TMTC1: variants seen among roughly 807,000 people sequenced by gnomAD.
TMTC1 encodes protein O-mannosyl-transferase TMTC1.
A neutral mutation model predicts 104.8 loss-of-function variants in TMTC1; 73 were observed. The ratio of observed to expected loss-of-function variants is 0.70; its 90% CI spans 0.58 to 0.85. TMTC1 has a LOEUF of 0.85. TMTC1 is among the 40% of genes least tolerant of loss of function. The pLI is 0.00. For synonymous variants in TMTC1, 434 were observed against 428.7 expected (o/e 1.01, Z -0.15); for missense variants, 1,035 against 1,096.1 (o/e 0.94, Z 0.79).
chr12:29,731,719 A>G (rs1422973528), intron 5 of TMTC1, among the ~76,000 whole-genome samples: 1 of 152,234 alleles, frequency 6.6e-6, no homozygotes, highest in African/African-American at 2.4e-5. Context: ...ATGCTGCGAT[A>G]CAGCTATCCA....
intron 5 of TMTC1, among the ~76,000 whole-genome samples, chr12:29,713,044 T>C (rs1256961156): frequency 6.6e-6 from 1 of 151,982 alleles, no homozygotes; most frequent in Admixed American, 6.6e-5. Context: ...TTTCATAATG[T>C]GGGCGAGGCT....
At chr12:29,597,858 T>A (rs1320780128) in intron 7 of TMTC1, among the ~76,000 whole-genome samples, 1 of 152,196 alleles carries the variant, frequency 6.6e-6, no homozygotes, top group East Asian at 1.9e-4. Context: ...ATCTACCTCC[T>A]GCTGCTCTTA....
chr12:29,702,722 T>G (rs1419093970), intron 5 of TMTC1, among the ~76,000 whole-genome samples: 2 of 152,190 alleles, frequency 1.3e-5, no homozygotes, highest in African/African-American at 4.8e-5. Flanking sequence ...TGCCGGCCAC[T>G]CCGTTACTGT....
intron 17 of TMTC1, 54 bp from the exon 18 acceptor site, chr12:29,507,040 C>CA: frequency 6.6e-7 from 1 of 1,514,046 alleles, no homozygotes; most frequent in South Asian, 1.1e-5. Flanking sequence ...AAAACTCTCT[C>CA]AGAGAATGAA....
chr12:29,668,943 C>A (rs1455610393), intron 5 of TMTC1, among the ~76,000 whole-genome samples: 1 of 152,164 alleles, frequency 6.6e-6, no homozygotes, highest in Non-Finnish European at 1.5e-5. Flanking sequence ...GGTTGAAACA[C>A]AAGTGCCATC....
At chr12:29,776,273 CATTCTCTACACAGAGTT>C (rs1189674682) in intron 1 of TMTC1, among the ~76,000 whole-genome samples, 6 of 152,194 alleles carry the variant, frequency 3.9e-5, no homozygotes, top group Non-Finnish European at 5.9e-5. Flanking sequence ...TACAGATCTT[CATTCTCTACACAGAGTT>C]ACAGTTCCAG....
At chr12:29,664,312 A>G (rs1431451430) in intron 5 of TMTC1, among the ~76,000 whole-genome samples, 1 of 152,132 alleles carries the variant, frequency 6.6e-6, no homozygotes. Flanking sequence ...AAAAAAGATG[A>G]CCTCTTCAAG....
chr12:29,783,589 A>C lies in TMTC1; in HGVS notation c.163T>G (p.Trp55Gly). Residue 55 changes from tryptophan (W) to glycine (G), a missense_variant, in exon 1 of 18, where the codon TGG becomes GGG. Physicochemically the swap from Trp to Gly is radical, Grantham distance 184. Transcript: ENST00000539277. This position sits in a 1 kb window ranked among gnomAD's most constrained non-coding sequence, Gnocchi z 4.7. ...ACGTCGGGGTTGTTCACGATCGCCC[A>C]CACGTCGTCGTGCACGAACTCGCCC... is the stretch of plus-strand genomic sequence containing the variant. ...LQGEFVHDDV[W>G]AIVNNPDVRP... The C allele has an allele frequency of 6.8e-7, 1 of 1,481,076 alleles. No homozygotes were observed. 91.7% of individuals were successfully genotyped at this position (1,481,076 alleles called of 1,614,324 possible).
chr12:29,608,005 CATTTT>C (rs930453915), intron 6 of TMTC1, among the ~76,000 whole-genome samples: 16 of 152,268 alleles, frequency 1.1e-4, no homozygotes, highest in Non-Finnish European at 1.8e-4. Context: ...TGTTTTATTT[CATTTT>C]GAGAAAATTA....
chr12:29,711,923 C>A (rs995620333), intron 5 of TMTC1, among the ~76,000 whole-genome samples: 50 of 137,608 alleles, frequency 3.6e-4, no homozygotes, highest in Non-Finnish European at 5.8e-4. Flanking sequence ...AGGAGAATGG[C>A]GTGAACCCAG....
At chr12:29,670,781 A>T (rs1482103114) in intron 5 of TMTC1, among the ~76,000 whole-genome samples, 2 of 151,254 alleles carry the variant, frequency 1.3e-5, no homozygotes, top group Non-Finnish European at 2.9e-5. Flanking sequence ...ATACAAAAAA[A>T]TTAGCCTGGC....
intron 8 of TMTC1, among the ~76,000 whole-genome samples, chr12:29,577,294 C>T (rs159689): frequency 0.58 from 88,236 of 151,900 alleles, 26,870 homozygotes; most frequent in Non-Finnish European, 0.67. Context: ...ACTTTGATGA[C>T]GGGGTTCCAC....
intron 9 of TMTC1, among the ~76,000 whole-genome samples, chr12:29,566,276 G>A (rs760731960): frequency 2.0e-5 from 3 of 152,274 alleles, no homozygotes; most frequent in Non-Finnish European, 4.4e-5. Context: ...TGGCATGCAC[G>A]TGCCTGCAGC....
At chr12:29,734,582 T>G (rs748191099) in intron 5 of TMTC1, among the ~76,000 whole-genome samples, 2 of 152,172 alleles carry the variant, frequency 1.3e-5, no homozygotes, top group Non-Finnish European at 2.9e-5. Flanking sequence ...CACAGATAGA[T>G]CCACATATAG....
At chr12:29,619,767 C>T (rs572249188) in intron 6 of TMTC1, among the ~76,000 whole-genome samples, 1 of 152,186 alleles carries the variant, frequency 6.6e-6, no homozygotes, top group Non-Finnish European at 1.5e-5. Flanking sequence ...CCTTGATAAA[C>T]GTTCAGTCTT....
intron 11 of TMTC1, among the ~76,000 whole-genome samples, chr12:29,526,175 C>A (rs761973630): frequency 5.4e-4 from 82 of 152,240 alleles, no homozygotes; most frequent in South Asian, 8.3e-4. Context: ...AGTCACCATA[C>A]CAATAAATAC....
chr12:29,697,247 C>T (rs1450043137), intron 5 of TMTC1, among the ~76,000 whole-genome samples: 1 of 152,218 alleles, frequency 6.6e-6, no homozygotes, highest in Non-Finnish European at 1.5e-5. Flanking sequence ...TTCCACCTGT[C>T]ACTTAGCCCT....
At chr12:29,725,011 G>GTTTTTTTT (rs879602127) in intron 5 of TMTC1, among the ~76,000 whole-genome samples, 1,848 of 114,828 alleles carry the variant, frequency 0.016, 271 homozygotes, top group African/African-American at 0.025. Context: ...TATCTGCCAA[G>GTTTTTTTT]TTCTTTTTTT....
At chr12:29,568,855 A>G (rs1307535137) in intron 9 of TMTC1, 3 of 454,254 alleles carry the variant, frequency 6.6e-6, no homozygotes, top group Non-Finnish European at 1.3e-5. Context: ...TTCTACTCCC[A>G]TCACACAAGG....
Sources: gnomAD v4.1 joint callset for allele counts (sites outside exome capture counted in the v4.1 genomes callset) on GRCh38, gnomAD v4.1.1 for gene constraint, Gnocchi (gnomAD v3.1) non-coding constraint, MANE v1.5 for transcripts, NCBI Gene and HGNC (gene_info 2026-07-23, HGNC 2026-07-21) for gene names.